Variants in LINGO2 observed in about 807,000 individuals in gnomAD.
LINGO2 encodes the protein leucine rich repeat and Ig domain containing 2.
In LINGO2, 14 loss-of-function variants were observed where a neutral mutation model predicts 30.6. The observed-to-expected ratio is 0.46, with a 90% confidence interval of 0.30 to 0.72. The LOEUF (loss-of-function observed/expected upper bound fraction) is 0.72, where lower values mean the gene tolerates loss of function less well. Ranked by LOEUF, LINGO2 falls within the 30% of genes least tolerant of loss-of-function variation. LINGO2 has a pLI of 0.07. For missense variants in LINGO2, 729 were observed against 751.7 expected, an observed-to-expected ratio of 0.97 and a Z score of 0.35; for synonymous variants, 317 against 288.5, an observed-to-expected ratio of 1.10 and a Z score of -1.00.
intron 1 of LINGO2, among the ~76,000 whole-genome samples, chr9:28,611,654 C>G (rs1825919816): frequency 6.6e-6 from 1 of 151,944 alleles, no homozygotes; most frequent in South Asian, 2.1e-4. Flanking sequence ...CTTTCTATTC[C>G]TGGATTCCTT....
chr9:28,627,655 C>T (rs947825839), intron 1 of LINGO2, among the ~76,000 whole-genome samples: 1 of 152,020 alleles, frequency 6.6e-6, no homozygotes, highest in Admixed American at 6.6e-5. Flanking sequence ...AGTTTTCTGG[C>T]TGTTTAAGGT....
chr9:29,092,835 T>G, the LINGO2 span, among the ~76,000 whole-genome samples: 1 of 136,676 alleles, frequency 7.3e-6, no homozygotes, highest in Non-Finnish European at 1.6e-5. Flanking sequence ...TTTATTAACA[T>G]TTGTACATAT....
At chr9:28,638,344 A>C (rs1019134384) in intron 1 of LINGO2, among the ~76,000 whole-genome samples, 1 of 152,192 alleles carries the variant, frequency 6.6e-6, no homozygotes, top group African/African-American at 2.4e-5. Context: ...AAAATGAGTT[A>C]GGGAGGTTTC....
intron 4 of LINGO2, among the ~76,000 whole-genome samples, chr9:28,057,270 C>T (rs1824971726): frequency 6.6e-6 from 1 of 150,416 alleles, no homozygotes; most frequent in African/African-American, 2.4e-5. Context: ...ATAAGTTAAG[C>T]AAAAGTAAAG....
chr9:27,987,585 C>A (rs139547275), intron 5 of LINGO2, among the ~76,000 whole-genome samples: 1 of 151,870 alleles, frequency 6.6e-6, no homozygotes, highest in Non-Finnish European at 1.5e-5. Context: ...ACGTTAGCTT[C>A]GTATGCCAAA....
intron 5 of LINGO2, among the ~76,000 whole-genome samples, chr9:27,976,054 T>G (rs1383565898): frequency 6.6e-6 from 1 of 151,832 alleles, no homozygotes; most frequent in Non-Finnish European, 1.5e-5. Flanking sequence ...ACCACCTGAA[T>G]GAATTAAAAT....
At chr9:28,276,256 C>T (rs764340795) in intron 4 of LINGO2, among the ~76,000 whole-genome samples, 1 of 152,156 alleles carries the variant, frequency 6.6e-6, no homozygotes, top group Non-Finnish European at 1.5e-5. Flanking sequence ...TCTTCATGTA[C>T]ACAGAGCAAC....
At chr9:28,413,964 A>G (rs1401004820) in intron 2 of LINGO2, among the ~76,000 whole-genome samples, 2 of 151,232 alleles carry the variant, frequency 1.3e-5, no homozygotes, top group African/African-American at 2.4e-5. Flanking sequence ...TTATTATTTA[A>G]TTCCCATATT....
intron 3 of LINGO2, among the ~76,000 whole-genome samples, chr9:28,336,639 G>A (rs907572453): frequency 6.6e-6 from 1 of 151,928 alleles, no homozygotes; most frequent in Admixed American, 6.6e-5. Context: ...CTGTTCAATG[G>A]TTCTAGTACT....
At chr9:28,118,308 C>T (rs1826993852) in intron 4 of LINGO2, among the ~76,000 whole-genome samples, 2 of 152,016 alleles carry the variant, frequency 1.3e-5, no homozygotes, top group African/African-American at 2.4e-5. Context: ...GAAAACACTG[C>T]CTGTCTTACT....
chr9:28,003,816 C>T (rs916847874), intron 5 of LINGO2, among the ~76,000 whole-genome samples: 13 of 152,080 alleles, frequency 8.5e-5, no homozygotes, highest in Non-Finnish European at 1.5e-5. Flanking sequence ...GTTATATGTC[C>T]TAAGTTGCAG....
intron 4 of LINGO2, among the ~76,000 whole-genome samples, chr9:28,146,674 G>C (rs1827822317): frequency 6.6e-6 from 1 of 151,854 alleles, no homozygotes; most frequent in Non-Finnish European, 1.5e-5. Flanking sequence ...TGTTTCCCTA[G>C]TCCAGACACC....
chr9:28,201,270 T>C (rs1387174449), intron 4 of LINGO2, among the ~76,000 whole-genome samples: 2 of 137,060 alleles, frequency 1.5e-5, no homozygotes, highest in African/African-American at 5.5e-5. Context: ...GATATTCCCC[T>C]TCCTGTGTCC....
intron 1 of LINGO2, among the ~76,000 whole-genome samples, chr9:28,571,642 A>G (rs1211829348): frequency 2.0e-5 from 3 of 152,112 alleles, no homozygotes; most frequent in Non-Finnish European, 4.4e-5. Context: ...CTTCTTTTGT[A>G]TGGCTTTTAA....
chr9:28,325,064 C>T (rs529515941), intron 3 of LINGO2, among the ~76,000 whole-genome samples: 1 of 151,934 alleles, frequency 6.6e-6, no homozygotes, highest in South Asian at 2.1e-4. Flanking sequence ...CCCTCTCTCT[C>T]TCCTTCTCTC....
the LINGO2 span, among the ~76,000 whole-genome samples, chr9:29,064,957 T>A: frequency 6.6e-6 from 1 of 152,090 alleles, no homozygotes; most frequent in Non-Finnish European, 1.5e-5. Context: ...TGTCCCTATA[T>A]TACATTAAAG....
the LINGO2 span, among the ~76,000 whole-genome samples, chr9:29,045,104 G>T: frequency 6.6e-6 from 1 of 152,062 alleles, no homozygotes; most frequent in South Asian, 2.1e-4. Context: ...GTGATTGACA[G>T]GCAGGTAGTA....
At chr9:29,103,787 T>C in the LINGO2 span, among the ~76,000 whole-genome samples, 1 of 152,148 alleles carries the variant, frequency 6.6e-6, no homozygotes, top group Non-Finnish European at 1.5e-5. Flanking sequence ...CATGGTCAAT[T>C]TTTAAATCAA....
the LINGO2 span, among the ~76,000 whole-genome samples, chr9:28,885,001 TA>T: frequency 8.1e-3 from 593 of 73,044 alleles, 81 homozygotes; most frequent in East Asian, 0.18. Flanking sequence ...ATATATTATA[TA>T]TATATATATA....
Sources: allele counts gnomAD v4.1 joint callset (sites outside exome capture counted in the v4.1 genomes callset), GRCh38; gene constraint gnomAD v4.1.1; transcripts MANE v1.5; gene names NCBI Gene and HGNC (gene_info 2026-07-23, HGNC 2026-07-21).